STBD1: variants seen among roughly 807,000 people sequenced by gnomAD.
STBD1 encodes starch-binding domain-containing protein 1.
Under a neutral mutation model 10.5 loss-of-function variants are expected in STBD1, and 13 were observed. The ratio of observed to expected loss-of-function variants is 1.24; its 90% CI spans 0.81 to 1.97. STBD1 has a LOEUF of 1.97. Among genes scored for constraint, STBD1 ranks in the 30% most tolerant of loss-of-function variants. STBD1 has a pLI of 0.00. For synonymous variants in STBD1, 146 were observed against 160.2 expected (o/e 0.91, Z 0.67); for missense variants, 427 against 435.6 (o/e 0.98, Z 0.17).
rs944226141 is a variant in STBD1 at position 76,310,090 on chromosome 4, C to T, written c.*90C>T. The T allele has an allele frequency of 6.8e-7, 1 of 1,480,884 alleles. No homozygotes were observed. Among genetic ancestry groups the T allele is most frequent in the Non-Finnish European group, 9.0e-7 (1 of 1,111,960 alleles). The allele number at this position is 1,480,884 out of a possible 1,614,324, so 91.7% of individuals were successfully genotyped here. A position where few individuals can be genotyped will look rare whatever the true frequency, so the allele number is the denominator to read the frequency against. ...ACTGAATAAAATAAAGGCAGTGTGA[C>T]TCCAAATTCAGCCATCTGAATTGTT... On this transcript the variant is annotated 3_prime_UTR_variant, in exon 2 of 2. Coordinates refer to ENST00000237642, the MANE Select transcript of STBD1 (RefSeq NM_003943.5).
chr4:76,310,195 T>A lies in STBD1; in HGVS notation c.*195T>A, dbSNP rs1352864352. ...AGAAATATATATGTGTGTATGTGTGTATATATATGCACACACACACAGATA... is the reference window on the plus strand; with the variant it reads ...AGAAATATATATGTGTGTATGTGTGAATATATATGCACACACACACAGATA... On this transcript the variant is annotated 3_prime_UTR_variant, in exon 2 of 2. Coordinates refer to ENST00000237642, the MANE Select transcript of STBD1 (RefSeq NM_003943.5). 3 of 633,056 alleles carry A rather than the reference T, an allele frequency of 4.7e-6. No homozygotes were observed. The highest frequency in any genetic ancestry group is 8.1e-6 in the Non-Finnish European group (3 of 372,310). The allele number at this position is 633,056 out of a possible 1,614,324, so 39.2% of individuals were successfully genotyped here.
Position 76,310,088 on chromosome 4 carries a change from G to GAC in STBD1, c.*89_*90dup. On this transcript the variant is annotated 3_prime_UTR_variant, in exon 2 of 2. Transcript: ENST00000237642. Reference sequence around the variant, plus strand: ...ACACTGAATAAAATAAAGGCAGTGTGACTCCAAATTCAGCCATCTGAATTG... The same window carrying GAC: ...ACACTGAATAAAATAAAGGCAGTGTGACACTCCAAATTCAGCCATCTGAATTG... 6.7e-7 allele frequency: 1 copy of GAC among 1,491,034 alleles called. No homozygotes were observed. The highest frequency in any genetic ancestry group is 1.4e-5 in the African/African-American group (1 of 71,694). 92.4% of individuals were successfully genotyped at this position (1,491,034 alleles called of 1,614,324 possible). A position where few individuals can be genotyped will look rare whatever the true frequency, so the allele number is the denominator to read the frequency against.
chr4:76,308,964 G>C lies in STBD1; in HGVS notation c.221-180G>C, dbSNP rs112954002. On this transcript the variant is annotated intron_variant, in intron 1 of 1. Coordinates refer to ENST00000237642, the MANE Select transcript of STBD1 (RefSeq NM_003943.5). ...TGTCAGATATACATGTGTATTCTTAGAGCACAGTGTTGGGAGCATACTGGT... is the reference window on the plus strand; with the variant it reads ...TGTCAGATATACATGTGTATTCTTACAGCACAGTGTTGGGAGCATACTGGT... Among the ~76,000 whole-genome samples, 443 of 152,328 alleles carry C rather than the reference G, an allele frequency of 2.9e-3. 2 individuals are homozygous for C. Among genetic ancestry groups the C allele is most frequent in the African/African-American group, 0.01 (423 of 41,562 alleles).
At chr4:76,307,101 G>A in intron 1 of STBD1, 112 bp downstream of exon 1, 1 of 1,133,166 alleles carries the variant, frequency 8.8e-7, no homozygotes, top group Non-Finnish European at 1.3e-6. Context: ...CCATTCCTGC[G>A]GACGGGCTCT....
Position 76,309,979 on chromosome 4 carries a change from C to T in STBD1, c.1056C>T (p.His352=), listed in dbSNP as rs1366165248. ...CTGGCCATGAGGATAAAGTGGTTCA[C>T]GCATGGTGGGGGATTCACTGATTCA... ...LETGHEDKVV[H]AWWGIH The change falls in exon 2 of 2, where the codon CAC becomes CAT. Residue 352 remains histidine (H), a synonymous_variant. Coordinates refer to ENST00000237642, the MANE Select transcript of STBD1 (RefSeq NM_003943.5). 18 of 1,611,942 alleles carry T rather than the reference C, an allele frequency of 1.1e-5. No homozygotes were observed. Among genetic ancestry groups the T allele is most frequent in the African/African-American group, 5.3e-5 (4 of 74,860 alleles).
Position 76,310,540 on chromosome 4 carries a change from A to C in STBD1, c.*540A>C, listed in dbSNP as rs1718914315. On this transcript the variant is annotated 3_prime_UTR_variant, in exon 2 of 2. Transcript: ENST00000237642. Reference sequence around the variant, plus strand: ...AACATGATACGAAACTGTGATTAGAAAATATCTGGTCTGGATGTGATTAGT... The same window carrying C: ...AACATGATACGAAACTGTGATTAGACAATATCTGGTCTGGATGTGATTAGT... 2 of 155,694 alleles carry C rather than the reference A, an allele frequency of 1.3e-5. No homozygotes were observed. The highest frequency in any genetic ancestry group is 4.8e-5 in the African/African-American group (2 of 41,580). The allele number at this position is 155,694 out of a possible 1,614,324, so 9.6% of individuals were successfully genotyped here.
chr4:76,309,938 A>C lies in STBD1; in HGVS notation c.1015A>C (p.Asn339His). ...GGVTRWEECS[N>H]RFLETGHEDK... ...AGTTACCCGCTGGGAAGAATGCAGC[A>C]ATAGATTCCTAGAAACTGGCCATGA... The change falls in exon 2 of 2, where the codon AAT (asparagine) becomes CAT (histidine). Residue 339 changes from asparagine (N) to histidine (H), a missense_variant. Asn to His is a moderately conservative substitution (Grantham distance 68). Coordinates refer to ENST00000237642, the MANE Select transcript of STBD1 (RefSeq NM_003943.5). The C allele has an allele frequency of 6.2e-7, 1 of 1,614,074 alleles. No individual in the cohort carries two copies. Among genetic ancestry groups the C allele is most frequent in the Non-Finnish European group, 8.5e-7 (1 of 1,180,022 alleles).
At position 76,309,897 on chromosome 4, in the gene STBD1, T is replaced by C; in HGVS notation, c.974T>C (p.Leu325Ser). The C allele has an allele frequency of 6.2e-7, 1 of 1,614,140 alleles. No individual in the cohort carries two copies. The highest frequency in any genetic ancestry group is 8.5e-7 in the Non-Finnish European group (1 of 1,180,032). ...ACAGTGGTGGAGTGGAAGTTTGTGT[T>C]GGTAGAGAATGGGGGAGTTACCCGC... Reference protein sequence around the residue: ...ADTVVEWKFVLVENGGVTRWE... With the variant: ...ADTVVEWKFVSVENGGVTRWE... The change falls in exon 2 of 2, where the codon TTG becomes TCG. Residue 325 changes from leucine (L) to serine (S), a missense_variant. Transcript: ENST00000237642.
At chr4:76,307,377 C>A (rs1319348768) in intron 1 of STBD1, among the ~76,000 whole-genome samples, 7 of 152,194 alleles carry the variant, frequency 4.6e-5, no homozygotes, top group Non-Finnish European at 4.4e-5. Flanking sequence ...CAAGCCTCTT[C>A]GATCTCTGCC....
chr4:76,308,391 A>G (rs1485501263), intron 1 of STBD1, among the ~76,000 whole-genome samples: 1 of 152,216 alleles, frequency 6.6e-6, no homozygotes, highest in African/African-American at 2.4e-5. Flanking sequence ...GGAGATTTCA[A>G]TCTTGTAGGG....
At position 76,306,869 on chromosome 4, in the gene STBD1, G is replaced by C; in HGVS notation, c.100G>C (p.Gly34Arg). 2.5e-6 allele frequency: 4 copies of C among 1,611,674 alleles called. No individual in the cohort carries two copies. The highest frequency in any genetic ancestry group is 1.7e-4 in the Middle Eastern group (1 of 5,974). Reference sequence around the variant, plus strand: ...CGGCCCTGGCGACACCGGGAAGGACGGGGATGCGGAGCAGGAGAAAGACGC... The same window carrying C: ...CGGCCCTGGCGACACCGGGAAGGACCGGGATGCGGAGCAGGAGAAAGACGC... ...RGGPGDTGKD[G>R]DAEQEKDAPL... The change falls in exon 1 of 2, where the codon GGG (glycine) becomes CGG (arginine). Residue 34 changes from glycine to arginine, a missense_variant. Coordinates refer to ENST00000237642, the MANE Select transcript of STBD1 (RefSeq NM_003943.5).
rs1257107106 is a variant in STBD1, at chr4:76,310,182, G to A, written c.*182G>A. 3.0e-6 allele frequency: 2 copies of A among 666,450 alleles called. No homozygotes were observed. The highest frequency in any genetic ancestry group is 2.5e-6 in the Non-Finnish European group (1 of 397,670). 41.3% of individuals were successfully genotyped at this position (666,450 alleles called of 1,614,324 possible). A position where few individuals can be genotyped will look rare whatever the true frequency, so the allele number is the denominator to read the frequency against. On this transcript the variant is annotated 3_prime_UTR_variant, in exon 2 of 2. Transcript: ENST00000237642. The stretch of plus-strand genomic sequence containing the variant: ...ATGTCTAATGTGCAGAAATATATAT[G>A]TGTGTATGTGTGTATATATATGCAC...
rs1385242119 is a variant in STBD1, at chr4:76,306,901, T to C, written c.132T>C (p.Leu44=). The C allele has an allele frequency of 6.2e-7, 1 of 1,611,924 alleles. No homozygotes were observed. The highest frequency in any genetic ancestry group is 2.2e-5 in the East Asian group (1 of 44,810). Residue 44 remains leucine (L), a synonymous_variant, in exon 1 of 2, where the codon CTT becomes CTC. Transcript: ENST00000237642. ...GDAEQEKDAP[L]GGAAIPGGHQ... Reference sequence around the variant, plus strand: ...CGGAGCAGGAGAAAGACGCCCCTCTTGGGGGAGCTGCGATTCCGGGAGGCC... The same window carrying C: ...CGGAGCAGGAGAAAGACGCCCCTCTCGGGGGAGCTGCGATTCCGGGAGGCC...
rs976863519 is a variant in STBD1 at position 76,310,730 on chromosome 4, A to C, written c.*730A>C. ...ATGAGAACCAATCATCATGGAAGTCAGTTGCGGGGGCAGCCCATAAGGAAA... is the reference window on the plus strand; with the variant it reads ...ATGAGAACCAATCATCATGGAAGTCCGTTGCGGGGGCAGCCCATAAGGAAA... On this transcript the variant is annotated 3_prime_UTR_variant, in exon 2 of 2. Transcript: ENST00000237642. The C allele has an allele frequency of 6.5e-6, 1 of 152,900 alleles. No homozygotes were observed. Among genetic ancestry groups the C allele is most frequent in the African/African-American group, 2.4e-5 (1 of 41,460 alleles). The allele number at this position is 152,900 out of a possible 1,614,324, so 9.5% of individuals were successfully genotyped here. A position where few individuals can be genotyped will look rare whatever the true frequency, so the allele number is the denominator to read the frequency against.
intron 1 of STBD1, among the ~76,000 whole-genome samples, chr4:76,307,729 A>G (rs1718819675): frequency 6.6e-6 from 1 of 152,174 alleles, no homozygotes; most frequent in African/African-American, 2.4e-5. Context: ...TATTTTAGGG[A>G]CCGTTTGCTA....
At chr4:76,309,110 C>T in intron 1 of STBD1, 34 bp from the exon 2 acceptor site, 1 of 1,530,522 alleles carries the variant, frequency 6.5e-7, no homozygotes, top group East Asian at 2.3e-5. Flanking sequence ...AATGAACTAC[C>T]TGACTCTATT....
intron 1 of STBD1, among the ~76,000 whole-genome samples, chr4:76,308,224 G>A (rs1017287869): frequency 3.6e-5 from 5 of 139,474 alleles, no homozygotes; most frequent in Non-Finnish European, 1.5e-5. Flanking sequence ...AACCGAAATC[G>A]TACCACTGCA....
rs1435535189 is a variant in STBD1, at chr4:76,309,625, T to C, written c.702T>C (p.Asn234=). 92 of 1,614,010 alleles carry C rather than the reference T, an allele frequency of 5.7e-5. No homozygotes were observed. Among genetic ancestry groups the C allele is most frequent in the Non-Finnish European group, 7.6e-5 (90 of 1,180,026 alleles). Residue 234 remains asparagine, a synonymous_variant, in exon 2 of 2, where the codon AAT becomes AAC. Transcript: ENST00000237642. ...PVLNLNQGMD[N]GRSTLVEARG... is the part of the protein sequence containing the mutation. ...TAAACCTAAACCAGGGAATGGACAA[T>C]GGAAGAAGCACTTTGGTGGAAGCAA... is the stretch of plus-strand genomic sequence containing the variant.
chr4:76,307,915 G>T (rs556513604), intron 1 of STBD1, among the ~76,000 whole-genome samples: 23 of 152,238 alleles, frequency 1.5e-4, no homozygotes, highest in African/African-American at 5.1e-4. Context: ...ACTGTGATTG[G>T]TCTGGGATGC....
Sources: allele counts gnomAD v4.1 joint callset (sites outside exome capture counted in the v4.1 genomes callset), GRCh38; gene constraint gnomAD v4.1.1; transcripts MANE v1.5; gene names NCBI Gene and HGNC (gene_info 2026-07-23, HGNC 2026-07-21).